The following MAP1S variants were observed in gnomAD, a reference collection of about 807,000 sequenced individuals.
MAP1S encodes microtubule associated protein 1S, also known as microtubule-associated protein 1S.
Under a neutral mutation model 60.9 loss-of-function variants are expected in MAP1S, and 27 were observed. That is an observed-to-expected ratio of 0.44 (90% CI 0.33 to 0.61). The LOEUF is 0.61. Ranked by LOEUF, MAP1S falls within the 20% of genes least tolerant of loss-of-function variation. The probability of loss-of-function intolerance (pLI) is 0.03; values close to 1 mark genes in which losing one functional copy is unlikely to be tolerated. For missense variants in MAP1S, 1,608 were observed against 1,486.6 expected (o/e 1.08, Z -1.34); for synonymous variants, 826 against 694.2 (o/e 1.19, Z -2.98).
chr19:17,730,909 T>TC (rs2080487900), intron 5 of MAP1S, among the ~76,000 whole-genome samples: 2 of 151,192 alleles, frequency 1.3e-5, no homozygotes, highest in East Asian at 1.9e-4. Flanking sequence ...TTTTTTTTTT[T>TC]CAGATGAGTC....
intron 5 of MAP1S, 108 bp from the exon 6 acceptor site, chr19:17,733,085 C>G (rs1432428349): frequency 8.7e-6 from 6 of 691,772 alleles, no homozygotes; most frequent in Non-Finnish European, 1.2e-5. Flanking sequence ...GAGTTCAGGC[C>G]TCCTGCTGAG....
chr19:17,722,405 T>C (rs957794351), intron 2 of MAP1S, among the ~76,000 whole-genome samples: 15 of 152,206 alleles, frequency 9.9e-5, no homozygotes, highest in Non-Finnish European at 1.5e-4. Flanking sequence ...TGAGCTAAGA[T>C]TGTGCCACTG....
At chr19:17,724,513 C>T (rs144891818) in intron 3 of MAP1S, among the ~76,000 whole-genome samples, 2,043 of 152,200 alleles carry the variant, frequency 0.013, 21 homozygotes, top group Non-Finnish European at 0.021. Context: ...CCTGTGGGTT[C>T]CCTCCGGCTA....
intron 5 of MAP1S, among the ~76,000 whole-genome samples, chr19:17,732,188 C>T (rs1433428143): frequency 2.0e-5 from 3 of 152,112 alleles, no homozygotes; most frequent in Non-Finnish European, 2.9e-5. Flanking sequence ...GTTGGGAGGT[C>T]GTAAGTTACT....
rs933628312 is a variant in MAP1S, at chr19:17,726,411, G to A, written c.1027G>A (p.Glu343Lys). ...NLGVVFFNAC[E>K]AASRLARGED... The stretch of plus-strand genomic sequence containing the variant: ...GGGGGTCGTGTTCTTCAACGCCTGC[G>A]AGGCCGCGTCGCGGCTGGCGCGCGG... The change falls in exon 5 of 7, where the codon GAG becomes AAG. Residue 343 changes from glutamate (E) to lysine (K), a missense_variant. Physicochemically the swap from Glu to Lys is moderately conservative, Grantham distance 56. Transcript: ENST00000324096. 24 of 1,575,772 alleles carry A rather than the reference G, an allele frequency of 1.5e-5. No homozygotes were observed. The highest frequency in any genetic ancestry group is 6.8e-5 in the South Asian group (6 of 87,756).
chr19:17,722,761 G>GAC (rs1394584296), intron 2 of MAP1S, among the ~76,000 whole-genome samples: 3 of 128,500 alleles, frequency 2.3e-5, no homozygotes, highest in Non-Finnish European at 3.4e-5. Context: ...AAAAGAGAGA[G>GAC]AGAGAGAGGG....
chr19:17,734,406 C>T lies in MAP1S; in HGVS notation c.3158C>T (p.Pro1053Leu), dbSNP rs764786142. 37 of 1,612,650 alleles carry T rather than the reference C, an allele frequency of 2.3e-5. No individual in the cohort carries two copies. The highest frequency in any genetic ancestry group is 1.2e-4 in the Admixed American group (7 of 60,000). ...GTGTCCATGCAGGATGACGCCTTCC[C>T]GGCCTGCAAGGTGGAGTTCTAGCCC... ...SMVSMQDDAFPACKVEF is the reference protein window; with the variant it reads ...SMVSMQDDAFLACKVEF The change falls in exon 7 of 7, where the codon CCG becomes CTG. Residue 1053 changes from proline to leucine, a missense_variant. Transcript: ENST00000324096.
In MAP1S at chr19:17,726,096, C is replaced by G; in HGVS notation, c.712C>G (p.Leu238Val). The G allele has an allele frequency of 6.2e-7, 1 of 1,613,898 alleles. No individual in the cohort carries two copies. The highest frequency in any genetic ancestry group is 8.5e-7 in the Non-Finnish European group (1 of 1,179,946). The change falls in exon 5 of 7, where the codon CTG becomes GTG. Residue 238 changes from leucine (L) to valine (V), a missense_variant. Physicochemically the swap from Leu to Val is conservative, Grantham distance 32 (BLOSUM62 1). This residue lies in a region of MAP1S where 320 missense variants were observed against 393.1 expected (regional missense o/e 0.81). Transcript: ENST00000324096. The stretch of plus-strand genomic sequence containing the variant: ...CCCGACCTCCGGGGGCTTCCTCAGG[C>G]TGGGCCGGCCCTGCTGCTACATCTT... ...EPPTSGGFLR[L>V]GRPCCYIFPG...
At chr19:17,734,203 G>A in intron 6 of MAP1S, 70 bp from the exon 7 acceptor site, 1 of 1,387,302 alleles carries the variant, frequency 7.2e-7, no homozygotes, top group South Asian at 1.3e-5. Flanking sequence ...TTGGGCCCAG[G>A]CCAGAAGGGC....
intron 5 of MAP1S, among the ~76,000 whole-genome samples, chr19:17,729,663 G>A: frequency 6.6e-6 from 1 of 151,580 alleles, no homozygotes; most frequent in Admixed American, 6.6e-5. Context: ...GCACCATAAC[G>A]GCCAGCTAAT....
chr19:17,726,764 G>A lies in MAP1S; in HGVS notation c.1380G>A (p.Thr460=), dbSNP rs375973930. ...GGTTCCTGCGAGAGCCCGTGGTGAC[G>A]CCCCAGGACCTGGAGGGGCCGGGGC... ...HLRFLREPVV[T]PQDLEGPGRA... Residue 460 remains threonine (T), a synonymous_variant, in exon 5 of 7, where the codon ACG becomes ACA. Coordinates refer to ENST00000324096, the MANE Select transcript of MAP1S (RefSeq NM_018174.6). 4.1e-5 allele frequency: 64 copies of A among 1,560,966 alleles called. No homozygotes were observed. Among genetic ancestry groups the A allele is most frequent in the African/African-American group, 5.4e-5 (4 of 73,486 alleles).
Position 17,728,134 on chromosome 19 carries a change from A to C in MAP1S, c.2750A>C (p.Lys917Thr). ...GGAGGCCGGGCACCCCTGTCCAGAA[A>C]GTCCTCAACCCCCAAGACTGCCACT... ...EKGGRAPLSR[K>T]SSTPKTATRG... The change falls in exon 5 of 7, where the codon AAG becomes ACG. Residue 917 changes from lysine (K) to threonine (T), a missense_variant. Coordinates refer to ENST00000324096, the MANE Select transcript of MAP1S (RefSeq NM_018174.6). 6.2e-7 allele frequency: 1 copy of C among 1,608,504 alleles called. No individual in the cohort carries two copies. The highest frequency in any genetic ancestry group is 1.3e-5 in the African/African-American group (1 of 74,960).
chr19:17,720,945 C>T lies in MAP1S; in HGVS notation c.128C>T (p.Ser43Phe). 2.5e-6 allele frequency: 4 copies of T among 1,613,832 alleles called. No individual in the cohort carries two copies. The highest frequency in any genetic ancestry group is 2.5e-6 in the Non-Finnish European group (3 of 1,179,774). Residue 43 changes from serine (S) to phenylalanine (F), a missense_variant, in exon 2 of 7, where the codon TCT becomes TTT. Around this residue, in one of 4 missense-constraint regions of MAP1S, gnomAD observed 320 missense variants for 393.1 expected, o/e 0.81. Transcript: ENST00000324096. ...VLEELERGIR[S>F]WDVDPGVCNL... ...CCCTCCTTCCCACCAGGCATCCGGT[C>T]TTGGGATGTCGATCCTGGCGTCTGC...
chr19:17,721,216 G>T (rs914507670), intron 2 of MAP1S, 179 bp downstream of exon 2: 5 of 630,978 alleles, frequency 7.9e-6, no homozygotes, highest in African/African-American at 1.8e-5. Flanking sequence ...GCAACCCACA[G>T]TGCAGGAACT....
chr19:17,730,207 G>C (rs1223906730), intron 5 of MAP1S, among the ~76,000 whole-genome samples: 1 of 152,204 alleles, frequency 6.6e-6, no homozygotes, highest in Non-Finnish European at 1.5e-5. Flanking sequence ...TTGTGGTTTT[G>C]ATTTCCATGT....
rs2080445959 is a variant in MAP1S, at chr19:17,727,423, C to T, written c.2039C>T (p.Pro680Leu). The change falls in exon 5 of 7, where the codon CCC becomes CTC. Residue 680 changes from proline to leucine, a missense_variant. Physicochemically the swap from Pro to Leu is moderately conservative, Grantham distance 98 (BLOSUM62 -3). Around this residue, in one of 4 missense-constraint regions of MAP1S, gnomAD observed 1,167 missense variants for 961.4 expected, o/e 1.21. Transcript: ENST00000324096. This position sits in a 1 kb window ranked among gnomAD's most constrained non-coding sequence, Gnocchi z 4.1. The part of the protein sequence containing the change: ...PTVTTPTVTT[P>L]SLPAEVGSPH... ...GTGACCACACCCACGGTGACCACGC[C>T]CTCACTACCCGCAGAGGTGGGCTCC... 1.9e-6 allele frequency: 3 copies of T among 1,600,764 alleles called. No individual in the cohort carries two copies. Among genetic ancestry groups the T allele is most frequent in the Non-Finnish European group, 2.6e-6 (3 of 1,174,350 alleles).
chr19:17,730,161 C>T (rs546893834), intron 5 of MAP1S, among the ~76,000 whole-genome samples: 13 of 152,264 alleles, frequency 8.5e-5, no homozygotes, highest in African/African-American at 3.1e-4. Flanking sequence ...AGCTGCTTGA[C>T]GCTAGCCAGT....
rs541459995 is a variant in MAP1S at position 17,731,202 on chromosome 19, A to G, written c.2789-1991A>G. On this transcript the variant is annotated intron_variant, in intron 5 of 6. Coordinates refer to ENST00000324096, the MANE Select transcript of MAP1S (RefSeq NM_018174.6). ...GAGTCACCATGCCTGGTCAAATCCA[A>G]CAGTGAGAAGCTTCTACCCCATGTT... Among the ~76,000 whole-genome samples the G allele has an allele frequency of 7.2e-5, 11 of 152,190 alleles. No individual in the cohort carries two copies. In the South Asian group the frequency reaches 2.1e-3, roughly 29 times the overall value.
At chr19:17,728,420 A>T (rs1379771401) in intron 5 of MAP1S, among the ~76,000 whole-genome samples, 2 of 151,968 alleles carry the variant, frequency 1.3e-5, no homozygotes, top group African/African-American at 4.8e-5. Context: ...GCCTAATTTT[A>T]AAGTTTTTGG....
Sources: gnomAD v4.1 joint callset for allele counts (sites outside exome capture counted in the v4.1 genomes callset) on GRCh38, gnomAD v4.1.1 for gene constraint, gnomAD v4.1.1 regional missense constraint, Gnocchi (gnomAD v3.1) non-coding constraint, MANE v1.5 for transcripts, NCBI Gene and HGNC (gene_info 2026-07-23, HGNC 2026-07-21) for gene names.